TECRL: variants seen among roughly 807,000 people sequenced by gnomAD.
TECRL encodes the protein trans-2,3-enoyl-CoA reductase like, also known as trans-2,3-enoyl-CoA reductase-like.
In TECRL, 63 loss-of-function variants were observed where a neutral mutation model predicts 52.8. The observed-to-expected ratio is 1.19, with a 90% CI of 0.97 to 1.47. The LOEUF (loss-of-function observed/expected upper bound fraction) is 1.47, where lower values mean the gene tolerates loss of function less well. Ranked by LOEUF, TECRL falls within the 40% of genes most tolerant of loss-of-function variation. The pLI, the probability that TECRL is intolerant of heterozygous loss-of-function variation, is 0.00. For missense variants in TECRL, 482 were observed against 429.6 expected (o/e 1.12, Z -1.08); for synonymous variants, 164 against 141.9 (o/e 1.16, Z -1.10).
intron 2 of TECRL, among the ~76,000 whole-genome samples, chr4:64,351,110 G>C (rs768667615): frequency 2.0e-5 from 3 of 148,652 alleles, no homozygotes; most frequent in South Asian, 2.2e-4. Flanking sequence ...TGCAAGTAGA[G>C]AGTAGAAAGA....
chr4:64,376,287 A>T (rs1722392217), intron 1 of TECRL, among the ~76,000 whole-genome samples: 1 of 151,830 alleles, frequency 6.6e-6, no homozygotes, highest in South Asian at 2.1e-4. Context: ...TGATTTACTA[A>T]ATAAGACAGT....
At chr4:64,362,967 G>C (rs13132703) in intron 2 of TECRL, among the ~76,000 whole-genome samples, 136,378 of 151,646 alleles carry the variant, frequency 0.9, 61,962 homozygotes, top group East Asian at 1. Flanking sequence ...TAAAAAGATA[G>C]TCATAGGATT....
At chr4:64,341,461 G>A (rs1719563024) in intron 2 of TECRL, among the ~76,000 whole-genome samples, 1 of 152,068 alleles carries the variant, frequency 6.6e-6, no homozygotes, top group South Asian at 2.1e-4. Context: ...TTAGCTGGGG[G>A]TGGTGGCACA....
chr4:64,342,229 A>C (rs550831399), intron 2 of TECRL, among the ~76,000 whole-genome samples: 1 of 152,138 alleles, frequency 6.6e-6, no homozygotes, highest in African/African-American at 2.4e-5. Flanking sequence ...ACTTATGTCT[A>C]TTAAGATTTT....
intron 6 of TECRL, among the ~76,000 whole-genome samples, chr4:64,307,257 G>C (rs1724395249): frequency 1.3e-5 from 2 of 152,236 alleles, no homozygotes; most frequent in South Asian, 2.1e-4. Flanking sequence ...TTACTTCAAG[G>C]TATTTTCCAA....
chr4:64,372,808 T>C lies in TECRL; in HGVS notation c.286+2364A>G, dbSNP rs993448902. ...TTCCAGGGCCTGAAAACAAACAATG[T>C]CAGAAATGTCATAAAAATTAATTTG... On this transcript the variant is annotated intron_variant, in intron 2 of 11. Transcript: ENST00000381210. Among the ~76,000 whole-genome samples the C allele has an allele frequency of 1.2e-4, 18 of 151,656 alleles. No individual in the cohort carries two copies. In the South Asian group the frequency reaches 2.7e-3, roughly 23 times the overall value.
chr4:64,380,482 A>T lies in TECRL; in HGVS notation c.235-5259T>A, dbSNP rs141568991. 2.3e-3 allele frequency among the ~76,000 whole-genome samples: 352 copies of T among 152,006 alleles called. 2 individuals carry two copies. Among genetic ancestry groups the T allele is most frequent in the African/African-American group, 8.1e-3 (338 of 41,502 alleles). ...GGTCTTAGTTATGAATTTTTTGCCT[A>T]ATGTTCTGAATCTTTTCTCCTATGT... On this transcript the variant is annotated intron_variant, in intron 1 of 11. Coordinates refer to ENST00000381210, the MANE Select transcript of TECRL (RefSeq NM_001010874.5).
intron 1 of TECRL, among the ~76,000 whole-genome samples, chr4:64,399,817 A>G (rs1724223807): frequency 6.6e-6 from 1 of 152,168 alleles, no homozygotes; most frequent in African/African-American, 2.4e-5. Context: ...TCCAAGCAAA[A>G]GCCTGATGGA....
At position 64,409,295 on chromosome 4, in the gene TECRL, T is replaced by C. The variant is rs754554418; in HGVS notation, c.57A>G (p.Gln19=). 11 of 1,613,702 alleles carry C rather than the reference T, an allele frequency of 6.8e-6. No homozygotes were observed. In the African/African-American group the frequency reaches 1.2e-4, roughly 18 times the overall value. ...ASERKRALLS[Q]RATRFILKDD... is the part of the protein sequence containing the mutation. ...CCTTCAGTATGAACCGTGTAGCTCT[T>C]TGGGAAAGTAATGCTCTCTTGCGTT... Residue 19 remains glutamine (Q), a synonymous_variant, in exon 1 of 12, where the codon CAA becomes CAG. Transcript: ENST00000381210.
At chr4:64,288,942 G>A (rs1723227172) in intron 9 of TECRL, among the ~76,000 whole-genome samples, 1 of 152,120 alleles carries the variant, frequency 6.6e-6, no homozygotes, top group African/African-American at 2.4e-5. Flanking sequence ...CACCATATTC[G>A]CCTGACCTCT....
At chr4:64,308,413 A>G (rs61688149) in intron 6 of TECRL, among the ~76,000 whole-genome samples, 3,117 of 152,254 alleles carry the variant, frequency 0.02, 115 homozygotes, top group African/African-American at 0.071. Flanking sequence ...AGGCACTCAT[A>G]AGTAATAGCC....
At chr4:64,372,135 A>G (rs1722017568) in intron 2 of TECRL, among the ~76,000 whole-genome samples, 2 of 151,798 alleles carry the variant, frequency 1.3e-5, no homozygotes, top group South Asian at 4.1e-4. Flanking sequence ...AGAGCATGAT[A>G]TAAAGGTACA....
At chr4:64,308,015 C>T (rs1724438812) in intron 6 of TECRL, among the ~76,000 whole-genome samples, 1 of 152,150 alleles carries the variant, frequency 6.6e-6, no homozygotes, top group Non-Finnish European at 1.5e-5. Flanking sequence ...GAGAATCCCT[C>T]TGCCTTTCTG....
intron 9 of TECRL, among the ~76,000 whole-genome samples, chr4:64,289,432 T>G (rs2109945493): frequency 6.6e-6 from 1 of 152,326 alleles, no homozygotes; most frequent in Admixed American, 6.5e-5. Flanking sequence ...TTGTTCTTAT[T>G]CATTAGTTCA....
intron 4 of TECRL, 67 bp downstream of exon 4, chr4:64,322,622 A>AATC: frequency 9.2e-7 from 1 of 1,083,298 alleles, no homozygotes; most frequent in Non-Finnish European, 1.3e-6. Flanking sequence ...TGATAGAATT[A>AATC]ATCTGTCAAT....
intron 1 of TECRL, among the ~76,000 whole-genome samples, chr4:64,381,686 T>C (rs1368432469): frequency 1.3e-5 from 2 of 152,170 alleles, no homozygotes; most frequent in African/African-American, 4.8e-5. Flanking sequence ...TGATATGATA[T>C]ATCATATTTA....
At chr4:64,292,418 A>G (rs1240411046) in intron 8 of TECRL, among the ~76,000 whole-genome samples, 2 of 152,008 alleles carry the variant, frequency 1.3e-5, no homozygotes, top group Non-Finnish European at 2.9e-5. Context: ...TGTGACACAG[A>G]TGTTCAAGAT....
intron 2 of TECRL, among the ~76,000 whole-genome samples, chr4:64,366,993 T>G (rs1721642818): frequency 3.9e-5 from 6 of 152,090 alleles, no homozygotes; most frequent in Admixed American, 3.9e-4. Flanking sequence ...TAGAAGCTCA[T>G]CAACAGTGGA....
intron 11 of TECRL, 49 bp downstream of exon 11, chr4:64,280,992 C>A: frequency 7.2e-7 from 1 of 1,385,298 alleles, no homozygotes. Flanking sequence ...AACCATTTAT[C>A]TTAAAGATGC....
Sources: gnomAD v4.1 joint callset for allele counts (sites outside exome capture counted in the v4.1 genomes callset) on GRCh38, gnomAD v4.1.1 for gene constraint, MANE v1.5 for transcripts, NCBI Gene and HGNC (gene_info 2026-07-23, HGNC 2026-07-21) for gene names.